Variants in YJEFN3 observed in about 807,000 individuals in gnomAD.
The protein encoded by YJEFN3 is yjeF N-terminal domain-containing protein 3.
A neutral mutation model predicts 31.5 loss-of-function variants in YJEFN3; 29 were observed. The ratio of observed to expected loss-of-function variants is 0.92; its 90% confidence interval spans 0.69 to 1.26. YJEFN3 has a LOEUF of 1.26. Among genes scored for constraint, YJEFN3 ranks in the 50% most tolerant of loss-of-function variants. YJEFN3 has a pLI of 0.00. For synonymous variants in YJEFN3, 227 were observed against 196.1 expected, an observed-to-expected ratio of 1.16 and a Z score of -1.32; for missense variants, 442 against 425.4, an observed-to-expected ratio of 1.04 and a Z score of -0.34.
At chr19:19,531,171 C>A (rs927642946) in intron 2 of YJEFN3, among the ~76,000 whole-genome samples, 1 of 152,228 alleles carries the variant, frequency 6.6e-6, no homozygotes, top group African/African-American at 2.4e-5. Flanking sequence ...GGCCAGAGGG[C>A]AGACATCTCC....
At chr19:19,535,896 A>C (rs1181472405) in intron 6 of YJEFN3, 1 of 671,880 alleles carries the variant, frequency 1.5e-6, no homozygotes, top group Non-Finnish European at 2.6e-6. Flanking sequence ...CCTCCACCCC[A>C]GTGCCCAGCC....
chr19:19,530,814 C>T (rs2144655722), intron 2 of YJEFN3, among the ~76,000 whole-genome samples: 1 of 152,288 alleles, frequency 6.6e-6, no homozygotes, highest in South Asian at 2.1e-4. Context: ...GAATTTGGCT[C>T]TGTTTACTGG....
Position 19,535,603 on chromosome 19 carries a change from C to T in YJEFN3, c.618C>T (p.Val206=), listed in dbSNP as rs569663620. ...GCCCCGGCGTGGAGCCGGGCGAGGTCGGGGGCCCCTGCACCCGCGCGCTGG... is the reference window on the plus strand; with the variant it reads ...GCCCCGGCGTGGAGCCGGGCGAGGTTGGGGGCCCCTGCACCCGCGCGCTGG... The part of the protein sequence containing the change: ...VLGPGVEPGE[V]GGPCTRALAT... Residue 206 remains valine (V), a synonymous_variant, in exon 6 of 7, where the codon GTC becomes GTT. Transcript: ENST00000514277. 23 of 1,584,694 alleles carry T rather than the reference C, an allele frequency of 1.5e-5. No individual in the cohort carries two copies. Among genetic ancestry groups the T allele is most frequent in the South Asian group, 1.3e-4 (11 of 87,636 alleles).
rs1165079919 is a variant in YJEFN3, at chr19:19,529,493, C to T, written c.189C>T (p.Asn63=). 15 of 1,613,750 alleles carry T rather than the reference C, an allele frequency of 9.3e-6. No individual in the cohort carries two copies. The highest frequency in any genetic ancestry group is 5.3e-5 in the African/African-American group (4 of 74,926). ...GRQSWLEQIW[N]AGPVCQSTAE... ...AGTCATGGCTAGAGCAGATTTGGAA[C>T]GCAGGGCCTGTTTGCCAGAGGTTGG... Residue 63 remains asparagine (N), a synonymous_variant, in exon 2 of 7, where the codon AAC becomes AAT. Coordinates refer to ENST00000514277, the MANE Select transcript of YJEFN3 (RefSeq NM_198537.4).
At position 19,532,745 on chromosome 19, in the gene YJEFN3, C is replaced by T; in HGVS notation, c.318+5C>T. On this transcript the variant is annotated splice_donor_5th_base_variant and intron_variant, in intron 3 of 6. Transcript: ENST00000514277. ...AGTGCCGTGGCTGTGACCAAGGTAC[C>T]TGACCCCTGACCCCCAACCCTGACC... is the stretch of plus-strand genomic sequence containing the variant. The T allele has an allele frequency of 6.5e-7, 1 of 1,547,850 alleles. No individual in the cohort carries two copies.
At chr19:19,533,501 T>G in intron 3 of YJEFN3, 1 of 791,136 alleles carries the variant, frequency 1.3e-6, no homozygotes, top group Non-Finnish European at 1.5e-6. Context: ...TCTCTCTCCC[T>G]CCTCCTCCCC....
intron 3 of YJEFN3, chr19:19,533,285 C>A: frequency 1.0e-6 from 1 of 985,964 alleles, no homozygotes; most frequent in Non-Finnish European, 1.2e-6. Flanking sequence ...GTGCAGCCAG[C>A]AGTGCTGGGC....
intron 2 of YJEFN3, among the ~76,000 whole-genome samples, chr19:19,529,942 A>C (rs565656341): frequency 8.5e-5 from 13 of 152,176 alleles, no homozygotes; most frequent in Non-Finnish European, 1.8e-4. Context: ...GGACCCGGTG[A>C]TGCAATCTGG....
intron 2 of YJEFN3, among the ~76,000 whole-genome samples, chr19:19,529,739 G>A (rs1048496349): frequency 1.3e-5 from 2 of 152,280 alleles, no homozygotes; most frequent in African/African-American, 4.8e-5. Flanking sequence ...TTCACCTTGG[G>A]GTGAAGGGGT....
chr19:19,536,148 G>A (rs921297987), intron 6 of YJEFN3: 2 of 339,282 alleles, frequency 5.9e-6, no homozygotes, highest in Non-Finnish European at 1.1e-5. Context: ...GGGGCACCAA[G>A]GGAGGCGGCG....
At chr19:19,536,046 C>T in intron 6 of YJEFN3, 1 of 520,684 alleles carries the variant, frequency 1.9e-6, no homozygotes, top group South Asian at 2.6e-5. Flanking sequence ...CAGCCGCTGG[C>T]CAGCCGGACC....
intron 5 of YJEFN3, 32 bp from the exon 6 acceptor site, chr19:19,535,497 T>G (rs759164857): frequency 6.2e-7 from 1 of 1,611,946 alleles, no homozygotes; most frequent in Non-Finnish European, 8.5e-7. Context: ...GCAGTGGCCC[T>G]GGGCCACCCT....
chr19:19,533,612 T>C (rs1456422189), intron 3 of YJEFN3: 45 of 883,948 alleles, frequency 5.1e-5, no homozygotes, highest in Non-Finnish European at 5.1e-5. Flanking sequence ...CTCCCCATCC[T>C]CCTCCTCCCC....
In YJEFN3 at chr19:19,537,556, C is replaced by T. The variant is rs891620669; in HGVS notation, c.*32C>T. 2.0e-6 allele frequency: 3 copies of T among 1,496,836 alleles called. No homozygotes were observed. Among genetic ancestry groups the T allele is most frequent in the African/African-American group, 1.4e-5 (1 of 72,180 alleles). 92.7% of individuals were successfully genotyped at this position (1,496,836 alleles called of 1,614,324 possible). A position where few individuals can be genotyped will look rare whatever the true frequency, so the allele number is the denominator to read the frequency against. On this transcript the variant is annotated 3_prime_UTR_variant, in exon 7 of 7. Coordinates refer to ENST00000514277, the MANE Select transcript of YJEFN3 (RefSeq NM_198537.4). The stretch of plus-strand genomic sequence containing the variant: ...CCCGCGGCCACACCGCAGGGACCCT[C>T]GCCAATAAACAGCCCTCCCACCACC...
rs2144665525 is a variant in YJEFN3, at chr19:19,534,951, C to T, written c.319-83C>T. 1.6e-6 allele frequency: 2 copies of T among 1,247,842 alleles called. No individual in the cohort carries two copies. The highest frequency in any genetic ancestry group is 1.6e-5 in the South Asian group (1 of 63,410). The allele number at this position is 1,247,842 out of a possible 1,614,324, so 77.3% of individuals were successfully genotyped here. On this transcript the variant is annotated intron_variant, in intron 3 of 6. Transcript: ENST00000514277. This position sits in a 1 kb window ranked among gnomAD's most constrained non-coding sequence, Gnocchi z 4.6. ...CTCCAGGCCCAAGCCCCATCCCTTC[C>T]CCTACTCCGGGCCTCAGTTTCCTCT...
In YJEFN3 at chr19:19,535,348, C is replaced by T; in HGVS notation, c.441C>T (p.Pro147=). ...TCTCCCACCCCCAGGAGTATGAACC[C>T]ACCATCTTCTACCCCACACGCTCGC... The part of the protein sequence containing the change: ...ARHLRVFEYE[P]TIFYPTRSLD... The change falls in exon 5 of 7, where the codon CCC becomes CCT. Residue 147 remains proline, a synonymous_variant. Transcript: ENST00000514277. The T allele has an allele frequency of 1.2e-6, 2 of 1,613,800 alleles. No individual in the cohort carries two copies. The highest frequency in any genetic ancestry group is 1.7e-6 in the Non-Finnish European group (2 of 1,179,948).
rs372099461 is a variant in YJEFN3 at position 19,534,991 on chromosome 19, A to G, written c.319-43A>G. The G allele has an allele frequency of 4.7e-6, 7 of 1,504,704 alleles. No homozygotes were observed. In the African/African-American group the frequency reaches 8.3e-5, roughly 18 times the overall value. The allele number at this position is 1,504,704 out of a possible 1,614,324, so 93.2% of individuals were successfully genotyped here. A position where few individuals can be genotyped will look rare whatever the true frequency, so the allele number is the denominator to read the frequency against. ...CAGTTTCCTCTCCAGGCAAGGAGGA[A>G]TCTGGACTGTGCCTGTGCCTTTGCT... On this transcript the variant is annotated intron_variant, in intron 3 of 6. Coordinates refer to ENST00000514277, the MANE Select transcript of YJEFN3 (RefSeq NM_198537.4). This position sits in a 1 kb window ranked among gnomAD's most constrained non-coding sequence, Gnocchi z 4.6.
intron 2 of YJEFN3, among the ~76,000 whole-genome samples, chr19:19,531,226 A>G (rs1039532070): frequency 6.6e-6 from 1 of 152,074 alleles, no homozygotes; most frequent in Non-Finnish European, 1.5e-5. Context: ...CATCCCCTCA[A>G]AACATCCACC....
At position 19,535,028 on chromosome 19, in the gene YJEFN3, C is replaced by T. The variant is rs745312827; in HGVS notation, c.319-6C>T. On this transcript the variant is annotated splice_region_variant and splice_polypyrimidine_tract_variant and intron_variant, in intron 3 of 6. Transcript: ENST00000514277. ...CCTGTGCCTTTGCTGTGTCCCCTACCACCAGGCGTTCCCGTTGCCCGCTCT... is the reference window on the plus strand; with the variant it reads ...CCTGTGCCTTTGCTGTGTCCCCTACTACCAGGCGTTCCCGTTGCCCGCTCT... 5.0e-6 allele frequency: 8 copies of T among 1,588,660 alleles called. No individual in the cohort carries two copies. The South Asian group carries it at 9.2e-5, about 18-fold the overall frequency.
Sources: allele counts gnomAD v4.1 joint callset (sites outside exome capture counted in the v4.1 genomes callset), GRCh38; gene constraint gnomAD v4.1.1; non-coding constraint Gnocchi (gnomAD v3.1); transcripts MANE v1.5; gene names NCBI Gene and HGNC (gene_info 2026-07-23, HGNC 2026-07-21).